Variants in KIF1B observed in about 807,000 individuals in gnomAD.
The protein encoded by KIF1B is kinesin-like protein KIF1B.
A neutral mutation model predicts 241.9 loss-of-function variants in KIF1B; 76 were observed. The observed-to-expected ratio is 0.31, with a 90% CI of 0.26 to 0.38. The LOEUF (loss-of-function observed/expected upper bound fraction) is 0.38, where lower values mean the gene tolerates loss of function less well. KIF1B is among the 10% of genes least tolerant of loss of function. KIF1B has a pLI of 1.00. For synonymous variants in KIF1B, 750 were observed against 796.7 expected (o/e 0.94, Z 0.99); for missense variants, 1,622 against 2,271.4 (o/e 0.71, Z 5.81).
intron 22 of KIF1B, chr1:10,307,890 C>A: frequency 3.8e-6 from 4 of 1,048,970 alleles, no homozygotes; most frequent in Non-Finnish European, 4.6e-6. Flanking sequence ...AGGGCATTTT[C>A]TTTATTCCTG....
rs555009475 is a variant in KIF1B, at chr1:10,360,260, G to A, written c.4056-669G>A. 6.6e-5 allele frequency among the ~76,000 whole-genome samples: 10 copies of A among 152,226 alleles called. No individual in the cohort carries two copies. In the East Asian group the frequency reaches 7.7e-4, roughly 12 times the overall value. ...GCTGTCATCATTAACTGACAGGAGA[G>A]CTTACATAGTCTTTCTTTCTTCTTT... On this transcript the variant is annotated intron_variant, in intron 38 of 48. Coordinates refer to ENST00000676179, the MANE Select transcript of KIF1B (RefSeq NM_001365951.3).
chr1:10,326,294 A>C lies in KIF1B; in HGVS notation c.2859A>C (p.Ser953=), dbSNP rs773305507. Residue 953 remains serine (S), a synonymous_variant, in exon 27 of 49, where the codon TCA becomes TCC. Transcript: ENST00000676179. This position sits in a 1 kb window ranked among gnomAD's most constrained non-coding sequence, Gnocchi z 5.2. The part of the protein sequence containing the change: ...AGSDAGTEEG[S]DLFSDGHDPF... Reference sequence around the variant, plus strand: ...CTGACGCAGGGACGGAGGAGGGATCAGATCTCTTCAGTGACGGGCATGACC... The same window carrying C: ...CTGACGCAGGGACGGAGGAGGGATCCGATCTCTTCAGTGACGGGCATGACC... 1.2e-6 allele frequency: 2 copies of C among 1,614,234 alleles called. No individual in the cohort carries two copies. Among genetic ancestry groups the C allele is most frequent in the Non-Finnish European group, 8.5e-7 (1 of 1,180,040 alleles).
intron 2 of KIF1B, among the ~76,000 whole-genome samples, chr1:10,243,479 A>G (rs998882356): frequency 1.3e-5 from 2 of 152,200 alleles, no homozygotes; most frequent in Non-Finnish European, 2.9e-5. Context: ...AAAAACAACA[A>G]ACGCTTAAGT....
At chr1:10,307,952 G>A in intron 22 of KIF1B, 2 of 1,053,814 alleles carry the variant, frequency 1.9e-6, no homozygotes, top group East Asian at 5.4e-5. Context: ...CTGGTAATGT[G>A]ATGAATGGGA....
chr1:10,329,292 A>G (rs1052717714), intron 27 of KIF1B, among the ~76,000 whole-genome samples: 9 of 152,242 alleles, frequency 5.9e-5, no homozygotes, highest in African/African-American at 1.2e-4. Context: ...TTTCTCTTCT[A>G]CAAACAAAAT....
intron 22 of KIF1B, among the ~76,000 whole-genome samples, chr1:10,316,381 A>G (rs1193132828): frequency 6.6e-6 from 1 of 151,678 alleles, no homozygotes; most frequent in Admixed American, 6.6e-5. Context: ...AGCTCTCTGC[A>G]TTGTAAATAT....
Position 10,365,370 on chromosome 1 carries a change from G to A in KIF1B, c.4513-39G>A. On this transcript the variant is annotated intron_variant, in intron 42 of 48. Coordinates refer to ENST00000676179, the MANE Select transcript of KIF1B (RefSeq NM_001365951.3). This position sits in a 1 kb window ranked among gnomAD's most constrained non-coding sequence, Gnocchi z 4.0. ...CTTTTCTCTCCTGAGGTCTTAACGA[G>A]CTTTGTGTTTGCTATAGCAGTAGTA... The A allele has an allele frequency of 6.2e-7, 1 of 1,614,118 alleles. No individual in the cohort carries two copies. Among genetic ancestry groups the A allele is most frequent in the Non-Finnish European group, 8.5e-7 (1 of 1,180,034 alleles).
chr1:10,273,913 T>A (rs1446199259), intron 10 of KIF1B, among the ~76,000 whole-genome samples: 2 of 148,600 alleles, frequency 1.3e-5, no homozygotes, highest in Non-Finnish European at 3.0e-5. Context: ...AGTGAGACCC[T>A]GGCTTTCTCC....
At chr1:10,300,237 A>AATAATAAT (rs1553165909) in intron 22 of KIF1B, among the ~76,000 whole-genome samples, 3,855 of 143,896 alleles carry the variant, frequency 0.027, 73 homozygotes, top group Middle Eastern at 0.11. Context: ...ACTCAGTGTC[A>AATAATAAT]AATAATAATA....
chr1:10,324,789 G>A lies in KIF1B; in HGVS notation c.2569G>A (p.Asp857Asn). The part of the protein sequence containing the change: ...QRLDLMREMY[D>N]RAGEMASSAQ... Reference sequence around the variant, plus strand: ...GCTGGATTTGATGCGAGAGATGTATGATAGGGCAGGGGAGATGGCCTCCAG... The same window carrying A: ...GCTGGATTTGATGCGAGAGATGTATAATAGGGCAGGGGAGATGGCCTCCAG... The change falls in exon 26 of 49, where the codon GAT becomes AAT. Residue 857 changes from aspartate (D) to asparagine (N), a missense_variant. This residue lies in a region of KIF1B where 803 missense variants were observed against 1,112.0 expected (regional missense o/e 0.72). Transcript: ENST00000676179. 1 of 1,614,088 alleles carries A rather than the reference G, an allele frequency of 6.2e-7. No individual in the cohort carries two copies. Among genetic ancestry groups the A allele is most frequent in the South Asian group, 1.1e-5 (1 of 91,078 alleles).
chr1:10,249,621 G>T (rs1476342645), intron 2 of KIF1B, among the ~76,000 whole-genome samples: 1 of 152,178 alleles, frequency 6.6e-6, no homozygotes, highest in Non-Finnish European at 1.5e-5. Flanking sequence ...TAGGCTCTTG[G>T]CTGGGTCCAG....
Position 10,258,681 on chromosome 1 carries a change from C to G in KIF1B, c.363+9C>G. On this transcript the variant is annotated intron_variant, in intron 4 of 48. Coordinates refer to ENST00000676179, the MANE Select transcript of KIF1B (RefSeq NM_001365951.3). ...CTGGCATCATTCCACAGGTGAAAAA[C>G]AAAACAAAACAAAAATCTTCTCTTC... 6.2e-7 allele frequency: 1 copy of G among 1,611,958 alleles called. No individual in the cohort carries two copies. Among genetic ancestry groups the G allele is most frequent in the Admixed American group, 1.7e-5 (1 of 59,964 alleles).
chr1:10,295,457 A>G (rs993852665), intron 18 of KIF1B, among the ~76,000 whole-genome samples: 1 of 152,164 alleles, frequency 6.6e-6, no homozygotes, highest in African/African-American at 2.4e-5. Context: ...TTACATTGGT[A>G]TATCAGTGCT....
intron 38 of KIF1B, among the ~76,000 whole-genome samples, chr1:10,356,392 A>G (rs1017687459): frequency 6.6e-6 from 1 of 152,074 alleles, no homozygotes; most frequent in Non-Finnish European, 1.5e-5. Flanking sequence ...ACATATTTAT[A>G]TATTTGACTG....
chr1:10,260,344 G>C (rs2102190737), intron 4 of KIF1B, among the ~76,000 whole-genome samples: 1 of 152,348 alleles, frequency 6.6e-6, no homozygotes, highest in South Asian at 2.1e-4. Flanking sequence ...GCTGGAAGTT[G>C]CTCTGGGTGA....
chr1:10,273,721 AAAAAAAAAAAAAAAAAAAC>A lies in KIF1B; in HGVS notation c.882+691_882+709del, dbSNP rs922224360. Among the ~76,000 whole-genome samples the A allele has an allele frequency of 7.0e-5, 8 of 114,506 alleles. 1 individual carries two copies. The highest frequency in any genetic ancestry group is 1.9e-4 in the African/African-American group (7 of 36,442). 75.1% of individuals were successfully genotyped at this position (114,506 alleles called of 152,430 possible). A position where few individuals can be genotyped will look rare whatever the true frequency, so the allele number is the denominator to read the frequency against. On this transcript the variant is annotated intron_variant, in intron 10 of 48. Transcript: ENST00000676179. Reference sequence around the variant, plus strand: ...TCCTCCTCCTCCTCAAAAAAAAAAAAAAAAAAAAAAAAAAAAAACCCAACAAACACCACAAGACTAGCCA... The same window carrying A: ...TCCTCCTCCTCCTCAAAAAAAAAAAACCAACAAACACCACAAGACTAGCCA...
intron 2 of KIF1B, among the ~76,000 whole-genome samples, chr1:10,240,881 C>T (rs1571122241): frequency 6.6e-6 from 1 of 151,892 alleles, no homozygotes; most frequent in Admixed American, 6.6e-5. Flanking sequence ...CTTAAATATT[C>T]CTCAAGAACA....
chr1:10,296,463 C>T, intron 19 of KIF1B, 119 bp from the exon 20 acceptor site: 2 of 829,866 alleles, frequency 2.4e-6, no homozygotes, highest in Non-Finnish European at 4.0e-6. Context: ...CAACTTCAGC[C>T]ACTTGATTGA....
At chr1:10,344,193 C>T (rs935654571) in intron 34 of KIF1B, among the ~76,000 whole-genome samples, 14 of 152,192 alleles carry the variant, frequency 9.2e-5, no homozygotes, top group African/African-American at 3.1e-4. Context: ...TTGCATCCTC[C>T]GCTATTGCCA....
Sources: allele counts gnomAD v4.1 joint callset (sites outside exome capture counted in the v4.1 genomes callset), GRCh38; gene constraint gnomAD v4.1.1; regional missense constraint gnomAD v4.1.1; non-coding constraint Gnocchi (gnomAD v3.1); transcripts MANE v1.5; gene names NCBI Gene and HGNC (gene_info 2026-07-23, HGNC 2026-07-21).